LRRC37A2: variants seen among roughly 807,000 people sequenced by gnomAD.
LRRC37A2 encodes leucine rich repeat containing 37 member A2, also known as leucine-rich repeat-containing protein 37A2.
LRRC37A2 carries 9 observed loss-of-function variants against 68.8 expected under a neutral mutation model. That is an observed-to-expected ratio of 0.13 (90% CI 0.08 to 0.23). LRRC37A2 has a LOEUF of 0.23. Ranked by LOEUF, LRRC37A2 falls within the 10% of genes least tolerant of loss-of-function variation. The pLI, the probability that LRRC37A2 is intolerant of heterozygous loss-of-function variation, is 1.00. For missense variants in LRRC37A2, 168 were observed against 950.4 expected (o/e 0.18, Z 10.82); for synonymous variants, 63 against 367.6 (o/e 0.17, Z 9.48).
At chr17:46,755,488 C>A in the LRRC37A2 span, 1 of 924,362 alleles carries the variant, frequency 1.1e-6, no homozygotes, top group Non-Finnish European at 1.7e-6. Context: ...GAATTCTTCG[C>A]TGTGTTGTAG....
the LRRC37A2 span, among the ~76,000 whole-genome samples, chr17:47,006,224 C>G: frequency 6.6e-6 from 1 of 152,114 alleles, no homozygotes; most frequent in Non-Finnish European, 1.5e-5. Flanking sequence ...TTTACAGAAG[C>G]ATATTTTCCC....
chr17:46,550,331 C>A lies in LRRC37A2; in HGVS notation c.4705-84C>A, dbSNP rs1351729363. The A allele has an allele frequency of 4.8e-5, 18 of 371,168 alleles. No individual in the cohort carries two copies. The African/African-American group carries it at 5.7e-4, about 12-fold the overall frequency. The allele number at this position is 371,168 out of a possible 1,614,324, so 23.0% of individuals were successfully genotyped here. A position where few individuals can be genotyped will look rare whatever the true frequency, so the allele number is the denominator to read the frequency against. ...CCTCTTTCAAAAAAATAAAAAAGAA[C>A]CTGTCAGCTACTCACCTGGAATACT... On this transcript the variant is annotated intron_variant, in intron 10 of 14. Transcript: ENST00000576629.
At chr17:46,543,829 A>G (rs561319286) in intron 8 of LRRC37A2, among the ~76,000 whole-genome samples, 1 of 150,724 alleles carries the variant, frequency 6.6e-6, no homozygotes, top group East Asian at 1.9e-4. Flanking sequence ...GGGGCAGAAA[A>G]AGAATACCAA....
the LRRC37A2 span, among the ~76,000 whole-genome samples, chr17:46,894,685 G>A: frequency 6.1e-3 from 928 of 152,264 alleles, 4 homozygotes; most frequent in Non-Finnish European, 8.3e-3. Context: ...GCCGCCAGCC[G>A]GCCCCCCTCC....
At chr17:46,849,341 G>A in the LRRC37A2 span, among the ~76,000 whole-genome samples, 1 of 152,222 alleles carries the variant, frequency 6.6e-6, no homozygotes, top group African/African-American at 2.4e-5. Flanking sequence ...GGGAGAATGT[G>A]CCCTGCCTTC....
rs1221152848 is a variant in LRRC37A2, at chr17:46,516,088, CAGG to C, written c.2609+770_2609+772del. Among the ~76,000 whole-genome samples, 33 of 143,310 alleles carry C rather than the reference CAGG, an allele frequency of 2.3e-4. No individual in the cohort carries two copies. In the South Asian group the frequency reaches 2.6e-3, roughly 11 times the overall value. The allele number at this position is 143,310 out of a possible 152,430, so 94.0% of individuals were successfully genotyped here. On this transcript the variant is annotated intron_variant, in intron 2 of 14. Transcript: ENST00000576629. ...GGCCGAGGCGGGCGGATCATGAGGT[CAGG>C]AGATCAAGACCATCCTGGCTAACAT...
chr17:46,941,224 T>G, the LRRC37A2 span: 113 of 996,044 alleles, frequency 1.1e-4, no homozygotes, highest in African/African-American at 1.9e-3. Flanking sequence ...GGAGTCTTGA[T>G]TTTTTAGACT....
the LRRC37A2 span, among the ~76,000 whole-genome samples, chr17:46,989,854 C>T: frequency 5.3e-5 from 8 of 152,364 alleles, no homozygotes; most frequent in East Asian, 9.6e-4. Flanking sequence ...ATCCTCGCCA[C>T]GGTGCCTGAC....
chr17:46,542,602 G>T lies in LRRC37A2; in HGVS notation c.3053+1721G>T, dbSNP rs989427830. 2.0e-5 allele frequency among the ~76,000 whole-genome samples: 3 copies of T among 150,062 alleles called. 1 individual carries two copies. The highest frequency in any genetic ancestry group is 7.6e-5 in the African/African-American group (3 of 39,574). On this transcript the variant is annotated intron_variant, in intron 8 of 14. Transcript: ENST00000576629. The stretch of plus-strand genomic sequence containing the variant: ...CCCAGCTACTAGGGAACCTGAGTCA[G>T]GAGGATCACTTGAACCCAGGAGGTG...
chr17:46,759,288 T>C, the LRRC37A2 span, among the ~76,000 whole-genome samples: 9 of 152,286 alleles, frequency 5.9e-5, no homozygotes, highest in Admixed American at 2.0e-4. Context: ...CAAAATGATG[T>C]AGAGTTTCTC....
At chr17:46,871,064 C>A in the LRRC37A2 span, among the ~76,000 whole-genome samples, 1 of 152,044 alleles carries the variant, frequency 6.6e-6, no homozygotes, top group Non-Finnish European at 1.5e-5. Flanking sequence ...GTGTGTGCCA[C>A]CATGCCCACA....
At chr17:46,802,896 C>T in the LRRC37A2 span, among the ~76,000 whole-genome samples, 1 of 152,124 alleles carries the variant, frequency 6.6e-6, no homozygotes, top group African/African-American at 2.4e-5. Context: ...GTTCTGCGAG[C>T]CACTCTAGCA....
At chr17:46,485,977 C>CAA in the LRRC37A2 span, among the ~76,000 whole-genome samples, 22 of 35,754 alleles carry the variant, frequency 6.2e-4, 1 homozygote, top group African/African-American at 2.3e-3. Context: ...GACTCCGTCT[C>CAA]AAAAAAAAAA....
the LRRC37A2 span, among the ~76,000 whole-genome samples, chr17:46,500,534 C>T: frequency 3.3e-4 from 50 of 149,728 alleles, 2 homozygotes; most frequent in Admixed American, 2.0e-3. Context: ...AGGACTGTTT[C>T]GAGGCAGCTT....
At chr17:47,006,457 C>A in the LRRC37A2 span, among the ~76,000 whole-genome samples, 2 of 152,006 alleles carry the variant, frequency 1.3e-5, no homozygotes, top group African/African-American at 2.4e-5. Flanking sequence ...ACTAAAAATA[C>A]AAAAATTAGC....
chr17:46,930,192 C>T, the LRRC37A2 span: 2 of 153,076 alleles, frequency 1.3e-5, no homozygotes, highest in Non-Finnish European at 2.9e-5. Flanking sequence ...CCTTTCGCAG[C>T]TTCAAAAGCA....
chr17:46,987,508 G>A, the LRRC37A2 span, among the ~76,000 whole-genome samples: 1 of 152,116 alleles, frequency 6.6e-6, no homozygotes, highest in Non-Finnish European at 1.5e-5. Context: ...AAAAAGAAAG[G>A]AAAATGGTGA....
chr17:46,722,184 A>G, the LRRC37A2 span: 3 of 1,607,676 alleles, frequency 1.9e-6, no homozygotes, highest in Non-Finnish European at 2.6e-6. Context: ...CTCCTGGGAG[A>G]ACTTGCAGCG....
At chr17:46,851,618 G>C in the LRRC37A2 span, 13 of 1,245,680 alleles carry the variant, frequency 1.0e-5, no homozygotes, top group Non-Finnish European at 1.2e-5. The surrounding 1 kb of genome is among the most constrained non-coding windows in gnomAD (Gnocchi z 4.3). Context: ...AGATGCTAGA[G>C]GGCGCAGCGC....
Sources: gnomAD v4.1 joint callset for allele counts (sites outside exome capture counted in the v4.1 genomes callset) on GRCh38, gnomAD v4.1.1 for gene constraint, Gnocchi (gnomAD v3.1) non-coding constraint, MANE v1.5 for transcripts, NCBI Gene and HGNC (gene_info 2026-07-23, HGNC 2026-07-21) for gene names.